RNF115: variants seen among roughly 807,000 people sequenced by gnomAD.
RNF115 encodes ring finger protein 115, also known as E3 ubiquitin-protein ligase RNF115.
Under a neutral mutation model 39.2 loss-of-function variants are expected in RNF115, and 31 were observed. The observed-to-expected ratio is 0.79, with a 90% CI of 0.59 to 1.07. RNF115 has a LOEUF of 1.07. Among genes scored for constraint, RNF115 ranks in the 50% least tolerant of loss-of-function variants. RNF115 has a pLI of 0.00. For synonymous variants in RNF115, 124 were observed against 131.0 expected, an observed-to-expected ratio of 0.95 and a Z score of 0.37; for missense variants, 384 against 381.7, an observed-to-expected ratio of 1.01 and a Z score of -0.05.
intron 1 of RNF115, among the ~76,000 whole-genome samples, chr1:145,816,543 AAGAAG>A (rs1553723585): frequency 9.6e-6 from 1 of 103,982 alleles, no homozygotes; most frequent in African/African-American, 3.0e-5. Context: ...AAATTTTAAA[AAGAAG>A]AGAAGAGTTA....
At chr1:145,816,615 C>G (rs1650004205) in intron 1 of RNF115, among the ~76,000 whole-genome samples, 1 of 129,690 alleles carries the variant, frequency 7.7e-6, no homozygotes, top group African/African-American at 2.6e-5. Flanking sequence ...GCAGACCTTC[C>G]CATTGAATGG....
chr1:145,771,711 C>T lies in RNF115; in HGVS notation c.428G>A (p.Gly143Glu). The T allele has an allele frequency of 6.2e-7, 1 of 1,612,240 alleles. No individual in the cohort carries two copies. The highest frequency in any genetic ancestry group is 1.3e-5 in the African/African-American group (1 of 74,950). Reference sequence around the variant, plus strand: ...AAGAACTTAAAATAAAACAACTCACCCTTCAATAGCTGGAGATCTGTCAGG... The same window carrying T: ...AAGAACTTAAAATAAAACAACTCACTCTTCAATAGCTGGAGATCTGTCAGG... The part of the protein sequence containing the change: ...SRPDRSPAIE[G>E]ILQHIFAGFF... The change falls in exon 4 of 9, where the codon GGA becomes GAA. Residue 143 changes from glycine (G) to glutamate (E), a missense_variant and splice_region_variant. By Grantham distance (98) the Gly-to-Glu change is moderately conservative (BLOSUM62 -2). Coordinates refer to ENST00000582693, the MANE Select transcript of RNF115 (RefSeq NM_014455.4).
At chr1:145,795,016 CAAAAA>C (rs782249648) in intron 1 of RNF115, among the ~76,000 whole-genome samples, 11 of 78,300 alleles carry the variant, frequency 1.4e-4, no homozygotes, top group Non-Finnish European at 1.8e-4. Context: ...GACTCCATTT[CAAAAA>C]AAAAAAAAAA....
chr1:145,798,428 C>G, intron 1 of RNF115, among the ~76,000 whole-genome samples: 1 of 152,080 alleles, frequency 6.6e-6, no homozygotes, highest in East Asian at 1.9e-4. Flanking sequence ...AAGAGACTGT[C>G]CTTGCTCCAC....
chr1:145,780,395 C>T (rs1559117625), intron 3 of RNF115, among the ~76,000 whole-genome samples: 1 of 152,054 alleles, frequency 6.6e-6, no homozygotes, highest in East Asian at 1.9e-4. Context: ...CCAAGGCGGG[C>T]AGATCACGAG....
rs192758552 is a variant in RNF115 at position 145,808,880 on chromosome 1, T to C, written c.102+14892A>G. On this transcript the variant is annotated intron_variant, in intron 1 of 8. Coordinates refer to ENST00000582693, the MANE Select transcript of RNF115 (RefSeq NM_014455.4). ...AGTTTAATAAGTTTGAGAGCAAAAA[T>C]ACCTCACAGTAGTACCTAAATTAGA... 2.6e-5 allele frequency among the ~76,000 whole-genome samples: 4 copies of C among 152,282 alleles called. No homozygotes were observed. In the East Asian group the frequency reaches 7.7e-4, roughly 29 times the overall value.
At position 145,750,417 on chromosome 1, in the gene RNF115, C is replaced by T. The variant is rs782482489; in HGVS notation, c.657G>A (p.Gln219=). ...ITSLPTVTVT[Q]EQVDMGLECP... is the part of the protein sequence containing the mutation. ...TAAAAATGAACCTACCAACTTGTTC[C>T]TGAGTTACTGTCACTGTTGGAAGAG... The change falls in exon 7 of 9, where the codon CAG becomes CAA. Residue 219 remains glutamine, a synonymous_variant. Coordinates refer to ENST00000582693, the MANE Select transcript of RNF115 (RefSeq NM_014455.4). 1 of 1,612,476 alleles carries T rather than the reference C, an allele frequency of 6.2e-7. No individual in the cohort carries two copies. The highest frequency in any genetic ancestry group is 1.7e-5 in the Admixed American group (1 of 59,980).
intron 1 of RNF115, among the ~76,000 whole-genome samples, chr1:145,821,371 T>C (rs797029226): frequency 5.1e-4 from 64 of 126,352 alleles, no homozygotes; most frequent in African/African-American, 1.6e-3. Context: ...CCTATTCAGC[T>C]TTTCAAATTA....
intron 4 of RNF115, among the ~76,000 whole-genome samples, chr1:145,753,300 T>G (rs960944329): frequency 1.3e-5 from 2 of 152,204 alleles, no homozygotes; most frequent in South Asian, 4.1e-4. Context: ...AGGGATCTGA[T>G]GGTATGGTAT....
Position 145,746,600 on chromosome 1 carries a change from C to T in RNF115, c.*266G>A, listed in dbSNP as rs1303900791. 1 of 356,098 alleles carries T rather than the reference C, an allele frequency of 2.8e-6. No individual in the cohort carries two copies. Among genetic ancestry groups the T allele is most frequent in the African/African-American group, 2.1e-5 (1 of 47,750 alleles). The allele number at this position is 356,098 out of a possible 1,614,324, so 22.1% of individuals were successfully genotyped here. The stretch of plus-strand genomic sequence containing the variant: ...TAGACTTTAAGGAATTAATTCTATT[C>T]AGACGGGGGGAGCCCTACATAATTA... On this transcript the variant is annotated 3_prime_UTR_variant, in exon 9 of 9. Transcript: ENST00000582693.
At chr1:145,789,631 CA>C (rs1648565339) in intron 1 of RNF115, among the ~76,000 whole-genome samples, 1 of 149,816 alleles carries the variant, frequency 6.7e-6, no homozygotes, top group Non-Finnish European at 1.5e-5. Flanking sequence ...CTCCCGACCT[CA>C]GCTGAACTAC....
rs1234409913 is a variant in RNF115 at position 145,742,713 on chromosome 1, T to C, written c.*4153A>G. 1 of 152,222 alleles carries C rather than the reference T, an allele frequency of 6.6e-6. No individual in the cohort carries two copies. Among genetic ancestry groups the C allele is most frequent in the Non-Finnish European group, 1.5e-5 (1 of 68,038 alleles). The allele number at this position is 152,222 out of a possible 1,614,324, so 9.4% of individuals were successfully genotyped here. On this transcript the variant is annotated 3_prime_UTR_variant, in exon 9 of 9. Coordinates refer to ENST00000582693, the MANE Select transcript of RNF115 (RefSeq NM_014455.4). ...ATATCTCTATTTACACATATATACA[T>C]ATATAAAAATGTGCAATACAAAGAC...
At chr1:145,774,334 C>T (rs1192841562) in intron 3 of RNF115, among the ~76,000 whole-genome samples, 2 of 150,038 alleles carry the variant, frequency 1.3e-5, no homozygotes, top group Admixed American at 1.3e-4. Context: ...GAAATCCAGA[C>T]ATTTCTTTCT....
At position 145,740,265 on chromosome 1, in the gene RNF115, A is replaced by G. The variant is rs938659796; in HGVS notation, c.*6601T>C. On this transcript the variant is annotated 3_prime_UTR_variant, in exon 9 of 9. Coordinates refer to ENST00000582693, the MANE Select transcript of RNF115 (RefSeq NM_014455.4). ...CATTGTACTATACTAATTATAGTCC[A>G]CATATAAAAATCTGTGACACATAAT... 3 of 152,256 alleles carry G rather than the reference A, an allele frequency of 2.0e-5. No individual in the cohort carries two copies. The highest frequency in any genetic ancestry group is 4.4e-5 in the Non-Finnish European group (3 of 68,046). 9.4% of individuals were successfully genotyped at this position (152,256 alleles called of 1,614,324 possible).
In RNF115 at chr1:145,748,032, A is replaced by T; in HGVS notation, c.746T>A (p.Phe249Tyr). 6.2e-7 allele frequency: 1 copy of T among 1,613,806 alleles called. No individual in the cohort carries two copies. The change falls in exon 8 of 9, where the codon TTC becomes TAC. Residue 249 changes from phenylalanine (F) to tyrosine (Y), a missense_variant. Coordinates refer to ENST00000582693, the MANE Select transcript of RNF115 (RefSeq NM_014455.4). ...CGGCACAATACAACTGCTGTGAAAG[A>T]AGTGATTGCAAGGTAACTGCCGGAC... ...EEVRQLPCNH[F>Y]FHSSCIVPWL...
intron 1 of RNF115, among the ~76,000 whole-genome samples, chr1:145,805,867 T>C (rs1022157241): frequency 1.3e-5 from 2 of 152,044 alleles, no homozygotes; most frequent in Non-Finnish European, 2.9e-5. Flanking sequence ...TTTCCCACAG[T>C]ACTAGAATAC....
At chr1:145,754,837 T>C (rs137910238) in intron 4 of RNF115, among the ~76,000 whole-genome samples, 51 of 152,342 alleles carry the variant, frequency 3.3e-4, no homozygotes, top group African/African-American at 1.0e-3. Context: ...TTTAAAAATA[T>C]GTCCAAAAAT....
rs781965842 is a variant in RNF115, at chr1:145,746,813, A to G, written c.*53T>C. On this transcript the variant is annotated 3_prime_UTR_variant, in exon 9 of 9. Coordinates refer to ENST00000582693, the MANE Select transcript of RNF115 (RefSeq NM_014455.4). ...CTAATTTTTTGTTTTGATACAATTT[A>G]CAGCTATGGTAAGATGATTACCACA... is the stretch of plus-strand genomic sequence containing the variant. 89 of 1,567,786 alleles carry G rather than the reference A, an allele frequency of 5.7e-5. No individual in the cohort carries two copies. Among genetic ancestry groups the G allele is most frequent in the Non-Finnish European group, 5.6e-5 (65 of 1,152,026 alleles).
intron 1 of RNF115, among the ~76,000 whole-genome samples, chr1:145,813,851 TTTTTGGGC>T (rs1649840749): frequency 1.4e-5 from 2 of 146,008 alleles, no homozygotes; most frequent in Non-Finnish European, 3.0e-5. Context: ...CCCTCTTACC[TTTTTGGGC>T]CCAATATAAT....
Sources: allele counts gnomAD v4.1 joint callset (sites outside exome capture counted in the v4.1 genomes callset), GRCh38; gene constraint gnomAD v4.1.1; transcripts MANE v1.5; gene names NCBI Gene and HGNC (gene_info 2026-07-23, HGNC 2026-07-21).